The following CACNB4 variants were observed in gnomAD, a reference collection of about 807,000 sequenced individuals.
CACNB4 encodes the protein calcium voltage-gated channel auxiliary subunit beta 4.
Under a neutral mutation model 71.2 loss-of-function variants are expected in CACNB4, and 32 were observed. That is an observed-to-expected ratio of 0.45 (90% confidence interval 0.34 to 0.60). The LOEUF (loss-of-function observed/expected upper bound fraction) is 0.60, where lower values mean the gene tolerates loss of function less well. Ranked by LOEUF, CACNB4 falls within the 20% of genes least tolerant of loss-of-function variation. The pLI is 0.01. For missense variants in CACNB4, 464 were observed against 647.9 expected (o/e 0.72, Z 3.08); for synonymous variants, 231 against 236.9 (o/e 0.97, Z 0.23).
At chr2:151,841,308 C>T (rs1400548066) in intron 13 of CACNB4, among the ~76,000 whole-genome samples, 1 of 152,108 alleles carries the variant, frequency 6.6e-6, no homozygotes, top group African/African-American at 2.4e-5. Flanking sequence ...AGTGGTGGCT[C>T]ATGATGGTAA....
chr2:151,972,837 C>T (rs986221503), intron 2 of CACNB4: 3 of 152,192 alleles, frequency 2.0e-5, no homozygotes, highest in African/African-American at 7.2e-5. Flanking sequence ...CACAGCACTT[C>T]CCATTAACCA....
chr2:152,076,971 G>A (rs192217630), intron 2 of CACNB4, among the ~76,000 whole-genome samples: 3 of 152,216 alleles, frequency 2.0e-5, no homozygotes, highest in Non-Finnish European at 4.4e-5. Flanking sequence ...GGGGCTGGCC[G>A]CCATGGACTG....
chr2:151,979,371 T>C (rs917410847), intron 2 of CACNB4, among the ~76,000 whole-genome samples: 2 of 151,664 alleles, frequency 1.3e-5, no homozygotes, highest in Non-Finnish European at 2.9e-5. Context: ...TAAAAAAAAT[T>C]CCCATGGCCT....
intron 2 of CACNB4, among the ~76,000 whole-genome samples, chr2:152,083,687 C>T (rs1336251747): frequency 2.6e-5 from 4 of 152,320 alleles, no homozygotes; most frequent in Admixed American, 6.5e-5. Flanking sequence ...CCATATTTTG[C>T]GGTAGCCAAT....
intron 2 of CACNB4, among the ~76,000 whole-genome samples, chr2:151,959,736 C>T (rs2099869172): frequency 6.6e-6 from 1 of 151,932 alleles, no homozygotes; most frequent in Admixed American, 6.6e-5. Flanking sequence ...GTGGGAGGAA[C>T]AATTTTTTAG....
intron 2 of CACNB4, among the ~76,000 whole-genome samples, chr2:152,076,440 G>T (rs947982453): frequency 2.6e-5 from 4 of 151,700 alleles, no homozygotes; most frequent in African/African-American, 9.7e-5. Context: ...GGGATTATAG[G>T]CATGAGCTAC....
chr2:152,016,795 C>T (rs1205248555), intron 2 of CACNB4, among the ~76,000 whole-genome samples: 1 of 152,210 alleles, frequency 6.6e-6, no homozygotes, highest in Non-Finnish European at 1.5e-5. Context: ...TATGGTACAG[C>T]CACTATACAA....
At chr2:151,870,760 A>C in intron 7 of CACNB4, 82 bp downstream of exon 7, 1 of 1,275,106 alleles carries the variant, frequency 7.8e-7, no homozygotes, top group Non-Finnish European at 1.1e-6. Context: ...TTTTATAGCC[A>C]CTTGGGTCAC....
intron 2 of CACNB4, among the ~76,000 whole-genome samples, chr2:152,089,854 T>A (rs1687872712): frequency 6.6e-6 from 1 of 151,450 alleles, no homozygotes; most frequent in African/African-American, 2.4e-5. Flanking sequence ...GGTGGGAGGA[T>A]CCCGTGAGCA....
At chr2:151,849,752 T>C (rs1194939711) in intron 12 of CACNB4, among the ~76,000 whole-genome samples, 1 of 152,146 alleles carries the variant, frequency 6.6e-6, no homozygotes, top group South Asian at 2.1e-4. Context: ...AGGTACCAGG[T>C]CAGCCGCCAG....
chr2:152,085,874 T>C (rs945381953), intron 2 of CACNB4, among the ~76,000 whole-genome samples: 1 of 150,498 alleles, frequency 6.6e-6, no homozygotes, highest in East Asian at 1.9e-4. Context: ...ACTGCACCTA[T>C]ACTTTAAAAT....
intron 2 of CACNB4, among the ~76,000 whole-genome samples, chr2:152,083,405 G>C (rs191394011): frequency 8.5e-5 from 13 of 152,060 alleles, no homozygotes; most frequent in Admixed American, 2.6e-4. Context: ...AGGAAAGAAG[G>C]CACCTCTCCT....
intron 2 of CACNB4, among the ~76,000 whole-genome samples, chr2:151,949,309 T>C (rs1473872127): frequency 2.6e-5 from 4 of 151,958 alleles, no homozygotes. Context: ...TTCAGACACA[T>C]GATGGACTAA....
At chr2:152,060,073 G>C (rs552648014) in intron 2 of CACNB4, among the ~76,000 whole-genome samples, 366 of 152,316 alleles carry the variant, frequency 2.4e-3, no homozygotes, top group Non-Finnish European at 4.4e-3. Flanking sequence ...GTGGAACTGT[G>C]AGTCAATTAA....
intron 5 of CACNB4, chr2:151,873,752 C>A (rs1390420061): frequency 6.6e-6 from 1 of 152,068 alleles, no homozygotes; most frequent in Non-Finnish European, 1.5e-5. Context: ...CACATGCTCC[C>A]CATGTGTCTA....
rs142470302 is a variant in CACNB4, at chr2:151,958,058, G to A, written c.148-74688C>T. On this transcript the variant is annotated intron_variant, in intron 2 of 13. Coordinates refer to ENST00000539935, the MANE Select transcript of CACNB4 (RefSeq NM_000726.5). ...GCTGTGAATCTTTTGAGAAAGGGAC[G>A]GAGTATGGTGATTATCAAGCTTATT... Among the ~76,000 whole-genome samples the A allele has an allele frequency of 3.4e-3, 524 of 152,232 alleles. 4 individuals are homozygous for A. Among genetic ancestry groups the A allele is most frequent in the African/African-American group, 0.012 (488 of 41,522 alleles).
At chr2:151,907,086 C>T (rs1190075256) in intron 2 of CACNB4, among the ~76,000 whole-genome samples, 4 of 151,750 alleles carry the variant, frequency 2.6e-5, no homozygotes, top group Non-Finnish European at 5.9e-5. Context: ...GAGTTAAACT[C>T]AGTACCTAGT....
At chr2:151,841,568 A>G (rs2099836243) in intron 13 of CACNB4, 1 of 256,466 alleles carries the variant, frequency 3.9e-6, no homozygotes, top group South Asian at 4.7e-5. Context: ...AGCCTGAACA[A>G]CAGAGTGAGA....
At chr2:152,093,296 C>G (rs986790583) in intron 2 of CACNB4, among the ~76,000 whole-genome samples, 1 of 151,932 alleles carries the variant, frequency 6.6e-6, no homozygotes, top group African/African-American at 2.4e-5. Flanking sequence ...TTTTTTGGCA[C>G]CTACTGAAAT....
Sources: gnomAD v4.1 joint callset for allele counts (sites outside exome capture counted in the v4.1 genomes callset) on GRCh38, gnomAD v4.1.1 for gene constraint, MANE v1.5 for transcripts, NCBI Gene and HGNC (gene_info 2026-07-23, HGNC 2026-07-21) for gene names.